Variants in NRXN3 observed in about 807,000 individuals in gnomAD.
The protein encoded by NRXN3 is neurexin III.
NRXN3 carries 32 observed loss-of-function variants against 137.6 expected under a neutral mutation model. That is an observed-to-expected ratio of 0.23 (90% CI 0.18 to 0.31). The LOEUF is 0.31. Ranked by LOEUF, NRXN3 falls within the 10% of genes least tolerant of loss-of-function variation. NRXN3 has a pLI of 1.00. For synonymous variants in NRXN3, 798 were observed against 784.5 expected (o/e 1.02, Z -0.29); for missense variants, 1,574 against 2,062.5 (o/e 0.76, Z 4.59).
chr14:79,089,792 A>T (rs999401048), intron 15 of NRXN3, among the ~76,000 whole-genome samples: 1 of 152,122 alleles, frequency 6.6e-6, no homozygotes, highest in African/African-American at 2.4e-5. Context: ...TTTTGGCATC[A>T]TTCAGTGGAC....
At chr14:78,780,232 T>C (rs1235303132) in intron 8 of NRXN3, among the ~76,000 whole-genome samples, 1 of 152,170 alleles carries the variant, frequency 6.6e-6, no homozygotes, top group Non-Finnish European at 1.5e-5. Flanking sequence ...CAACCTATGA[T>C]GCTGGAATAA....
chr14:79,567,021 T>C (rs1451481941), intron 16 of NRXN3, among the ~76,000 whole-genome samples: 1 of 152,146 alleles, frequency 6.6e-6, no homozygotes, highest in Non-Finnish European at 1.5e-5. Context: ...AGGTCCTGCT[T>C]TAAGGATCTC....
intron 15 of NRXN3, among the ~76,000 whole-genome samples, chr14:79,153,568 C>T (rs2059990237): frequency 6.6e-6 from 1 of 151,886 alleles, no homozygotes; most frequent in Non-Finnish European, 1.5e-5. Context: ...ATCTCAATCA[C>T]CTTTACTGAA....
intron 20 of NRXN3, among the ~76,000 whole-genome samples, chr14:79,852,404 CT>C (rs1294351574): frequency 1.3e-5 from 2 of 152,076 alleles, no homozygotes; most frequent in African/African-American, 2.4e-5. Context: ...CTTGCTGCCC[CT>C]AATCCTAGCT....
intron 15 of NRXN3, among the ~76,000 whole-genome samples, chr14:79,095,227 A>AATTTAACTT: frequency 6.6e-6 from 1 of 152,282 alleles, no homozygotes; most frequent in East Asian, 1.9e-4. Flanking sequence ...GGGTATCTAC[A>AATTTAACTT]GTGAGCTTTT....
At chr14:78,355,739 C>A in intron 4 of NRXN3, among the ~76,000 whole-genome samples, 1 of 152,218 alleles carries the variant, frequency 6.6e-6, no homozygotes, top group East Asian at 1.9e-4. Flanking sequence ...TTTACATACG[C>A]TGTTCCCTCT....
At chr14:79,287,475 C>G (rs1598328424) in intron 15 of NRXN3, among the ~76,000 whole-genome samples, 1 of 152,292 alleles carries the variant, frequency 6.6e-6, no homozygotes, top group Non-Finnish European at 1.5e-5. Flanking sequence ...CTACATGGTT[C>G]TCAGTGTCCA....
intron 10 of NRXN3, among the ~76,000 whole-genome samples, chr14:78,951,764 T>G (rs1422402335): frequency 6.6e-6 from 1 of 152,178 alleles, no homozygotes; most frequent in Non-Finnish European, 1.5e-5. Flanking sequence ...AGTGCCTGGT[T>G]GCCTTCTGAT....
chr14:78,781,539 T>C (rs1341009070), intron 8 of NRXN3, among the ~76,000 whole-genome samples: 4 of 152,192 alleles, frequency 2.6e-5, no homozygotes, highest in Non-Finnish European at 5.9e-5. Context: ...TTCACAAAGT[T>C]CTTACACTCC....
chr14:78,407,427 G>A (rs889203066), intron 4 of NRXN3, among the ~76,000 whole-genome samples: 10 of 152,090 alleles, frequency 6.6e-5, no homozygotes, highest in Non-Finnish European at 8.8e-5. Context: ...TTATAGTCAA[G>A]CTTTGTTATT....
chr14:78,423,831 A>C (rs569585389), intron 4 of NRXN3, among the ~76,000 whole-genome samples: 1 of 152,312 alleles, frequency 6.6e-6, no homozygotes, highest in South Asian at 2.1e-4. Context: ...ACTATTAGCA[A>C]GGGTTTATAG....
At chr14:78,450,142 C>G (rs754542212) in intron 4 of NRXN3, among the ~76,000 whole-genome samples, 9 of 152,170 alleles carry the variant, frequency 5.9e-5, no homozygotes, top group Non-Finnish European at 1.2e-4. Context: ...AATGACTGTG[C>G]AAATGACTGG....
At chr14:78,289,057 G>A (rs2075501347) in intron 3 of NRXN3, among the ~76,000 whole-genome samples, 1 of 152,168 alleles carries the variant, frequency 6.6e-6, no homozygotes, top group Non-Finnish European at 1.5e-5. Context: ...GCTGGAATCT[G>A]GGCAACCCCT....
intron 16 of NRXN3, chr14:79,572,901 G>A (rs1446862839): frequency 6.6e-6 from 1 of 152,126 alleles, no homozygotes; most frequent in Admixed American, 6.6e-5. Flanking sequence ...AAGTTAATCA[G>A]ACAAGAAAAG....
chr14:78,243,853 G>T lies in NRXN3; in HGVS notation c.709+51G>T, dbSNP rs2067306937. 2 of 1,398,906 alleles carry T rather than the reference G, an allele frequency of 1.4e-6. No individual in the cohort carries two copies. The highest frequency in any genetic ancestry group is 2.9e-5 in the African/African-American group (2 of 69,980). 86.7% of individuals were successfully genotyped at this position (1,398,906 alleles called of 1,614,324 possible). On this transcript the variant is annotated intron_variant, in intron 2 of 20. Transcript: ENST00000335750. This position sits in a 1 kb window ranked among gnomAD's most constrained non-coding sequence, Gnocchi z 4.2. ...GAGACCCACCCACGGGATGGCTGAG[G>T]CTGGGGCTCCTGATACAAACCAGTT...
intron 19 of NRXN3, among the ~76,000 whole-genome samples, chr14:79,724,786 C>T (rs2098872053): frequency 2.0e-5 from 3 of 152,074 alleles, no homozygotes; most frequent in Non-Finnish European, 2.9e-5. Context: ...CAAGACAACA[C>T]CATGGCTGGG....
chr14:79,659,751 G>T (rs377477983), intron 16 of NRXN3, among the ~76,000 whole-genome samples: 15 of 152,112 alleles, frequency 9.9e-5, no homozygotes, highest in African/African-American at 3.1e-4. Context: ...TTATGAAAGA[G>T]AAATCAGAAG....
chr14:78,538,556 C>G (rs1272769182), intron 4 of NRXN3, among the ~76,000 whole-genome samples: 1 of 152,186 alleles, frequency 6.6e-6, no homozygotes, highest in Admixed American at 6.5e-5. Flanking sequence ...ATGTCATCTG[C>G]AAATGGAGAC....
chr14:78,787,719 A>G (rs1423225169), intron 8 of NRXN3, among the ~76,000 whole-genome samples: 3 of 152,224 alleles, frequency 2.0e-5, no homozygotes, highest in Admixed American at 6.5e-5. Context: ...AGTGCTGTTC[A>G]AGATGAAAAG....
Sources: allele counts gnomAD v4.1 joint callset (sites outside exome capture counted in the v4.1 genomes callset), GRCh38; gene constraint gnomAD v4.1.1; non-coding constraint Gnocchi (gnomAD v3.1); transcripts MANE v1.5; gene names NCBI Gene and HGNC (gene_info 2026-07-23, HGNC 2026-07-21).